The following DPYSL2 variants were observed in gnomAD, a reference collection of about 807,000 sequenced individuals.
DPYSL2 encodes the protein dihydropyrimidinase-related protein 2.
Under a neutral mutation model 69.9 loss-of-function variants are expected in DPYSL2, and 13 were observed. The observed-to-expected ratio is 0.19, with a 90% CI of 0.12 to 0.30. The LOEUF (loss-of-function observed/expected upper bound fraction) is 0.30. Ranked by LOEUF, DPYSL2 falls within the 10% of genes least tolerant of loss-of-function variation. The probability of loss-of-function intolerance (pLI) is 1.00; values close to 1 mark genes in which losing one functional copy is unlikely to be tolerated. For missense variants in DPYSL2, 587 were observed against 918.9 expected, an observed-to-expected ratio of 0.64 and a Z score of 4.67; for synonymous variants, 326 against 359.1, an observed-to-expected ratio of 0.91 and a Z score of 1.04.
chr8:26,554,281 T>C (rs1157696807), intron 1 of DPYSL2, among the ~76,000 whole-genome samples: 1 of 152,184 alleles, frequency 6.6e-6, no homozygotes, highest in Non-Finnish European at 1.5e-5. Flanking sequence ...TCAGAGATAC[T>C]GAGCTTTTTT....
intron 1 of DPYSL2, among the ~76,000 whole-genome samples, chr8:26,561,638 C>T (rs1459436922): frequency 6.6e-6 from 1 of 152,010 alleles, no homozygotes; most frequent in African/African-American, 2.4e-5. Flanking sequence ...GCACCATGGA[C>T]CAGTTTCATA....
In DPYSL2 at chr8:26,582,931, T is replaced by C. The variant is rs1360342255; in HGVS notation, c.444-868T>C. On this transcript the variant is annotated intron_variant, in intron 2 of 13. Transcript: ENST00000521913. This position sits in a 1 kb window ranked among gnomAD's most constrained non-coding sequence, Gnocchi z 4.1. ...AAATAGATTTTAACATTTCCACGTTTAATGTTTTCTCCATGTGTGTTTGCT... is the reference window on the plus strand; with the variant it reads ...AAATAGATTTTAACATTTCCACGTTCAATGTTTTCTCCATGTGTGTTTGCT... 3.3e-5 allele frequency among the ~76,000 whole-genome samples: 5 copies of C among 152,228 alleles called. No homozygotes were observed. Among genetic ancestry groups the C allele is most frequent in the Non-Finnish European group, 5.9e-5 (4 of 68,040 alleles).
rs1019450541 is a variant in DPYSL2, at chr8:26,598,445, C to A, written c.628+14462C>A. ...TTTTAGAGAGTTCTTTTCCCTCCTG[C>A]TCTATGAAAACGTATTTTCCATGTT... On this transcript the variant is annotated intron_variant, in intron 3 of 13. Coordinates refer to ENST00000521913, the MANE Select transcript of DPYSL2 (RefSeq NM_001197293.3). The surrounding 1 kb of genome is among the most constrained non-coding windows in gnomAD (Gnocchi z 4.2). Among the ~76,000 whole-genome samples, 2 of 152,138 alleles carry A rather than the reference C, an allele frequency of 1.3e-5. No individual in the cohort carries two copies. Among genetic ancestry groups the A allele is most frequent in the African/African-American group, 2.4e-5 (1 of 41,410 alleles).
chr8:26,581,861 T>C, intron 1 of DPYSL2, 108 bp from the exon 2 acceptor site: 2 of 882,526 alleles, frequency 2.3e-6, no homozygotes, highest in Non-Finnish European at 3.6e-6. Flanking sequence ...TGGGCTTATT[T>C]TGAACATCAC....
At position 26,516,822 on chromosome 8, in the gene DPYSL2, T is replaced by G. The variant is rs556109239; in HGVS notation, c.354+2143T>G. 4.1e-3 allele frequency among the ~76,000 whole-genome samples: 617 copies of G among 152,332 alleles called. 2 individuals are homozygous for G. The highest frequency in any genetic ancestry group is 0.013 in the African/African-American group (561 of 41,576). ...ATAAGGCCTACTCAATGAGATTTTG[T>G]CATTCACGACTAAGAGCATTTACCT... is the stretch of plus-strand genomic sequence containing the variant. On this transcript the variant is annotated intron_variant, in intron 1 of 13. Transcript: ENST00000521913. This position sits in a 1 kb window ranked among gnomAD's most constrained non-coding sequence, Gnocchi z 4.8.
intron 1 of DPYSL2, among the ~76,000 whole-genome samples, chr8:26,569,683 A>G (rs1801208645): frequency 6.6e-6 from 1 of 152,234 alleles, no homozygotes; most frequent in Admixed American, 6.5e-5. Flanking sequence ...AATTGTTGCT[A>G]TTAAAGAGAT....
chr8:26,553,459 A>G (rs1412208338), intron 1 of DPYSL2, among the ~76,000 whole-genome samples: 18 of 152,102 alleles, frequency 1.2e-4, no homozygotes, highest in Admixed American at 6.5e-4. Flanking sequence ...GCTCCCACTT[A>G]TAAGTGGGAA....
intron 1 of DPYSL2, among the ~76,000 whole-genome samples, chr8:26,542,415 A>T (rs10094055): frequency 0.52 from 78,936 of 151,274 alleles, 21,396 homozygotes; most frequent in African/African-American, 0.67. Flanking sequence ...AAAAATTCCC[A>T]TATTAAAAAA....
rs903521332 is a variant in DPYSL2 at position 26,588,613 on chromosome 8, G to A, written c.628+4630G>A. On this transcript the variant is annotated intron_variant, in intron 3 of 13. Coordinates refer to ENST00000521913, the MANE Select transcript of DPYSL2 (RefSeq NM_001197293.3). This position sits in a 1 kb window ranked among gnomAD's most constrained non-coding sequence, Gnocchi z 5.4. ...GGGTAGCACCGCACAGCAGAGATGGGGACTGGACTCTAGCAGGGAGGAGGA... is the reference window on the plus strand; with the variant it reads ...GGGTAGCACCGCACAGCAGAGATGGAGACTGGACTCTAGCAGGGAGGAGGA... Among the ~76,000 whole-genome samples, 2 of 152,110 alleles carry A rather than the reference G, an allele frequency of 1.3e-5. No individual in the cohort carries two copies. The highest frequency in any genetic ancestry group is 2.9e-5 in the Non-Finnish European group (2 of 68,014).
intron 3 of DPYSL2, among the ~76,000 whole-genome samples, chr8:26,611,024 T>C (rs1802214510): frequency 6.6e-6 from 1 of 152,184 alleles, no homozygotes; most frequent in African/African-American, 2.4e-5. Flanking sequence ...TTTTAATCCC[T>C]ATACAGTGAA....
intron 1 of DPYSL2, among the ~76,000 whole-genome samples, chr8:26,566,641 G>A (rs1230498864): frequency 6.6e-6 from 1 of 152,064 alleles, no homozygotes; most frequent in Non-Finnish European, 1.5e-5. Context: ...AAAGAGAATG[G>A]AAAAGAAGAC....
Position 26,556,139 on chromosome 8 carries a change from ATATAG to A in DPYSL2, c.355-25825_355-25821del, listed in dbSNP as rs1487011528. On this transcript the variant is annotated intron_variant, in intron 1 of 13. Transcript: ENST00000521913. ...ATACTATATATATTATATATACTAT[ATATAG>A]TATATACTATATATAGTATATACTA... 1.2e-3 allele frequency among the ~76,000 whole-genome samples: 4 copies of A among 3,300 alleles called. No individual in the cohort carries two copies. The East Asian group carries it at 0.25, about 206-fold the overall frequency. The allele number at this position is 3,300 out of a possible 152,430, so 2.2% of individuals were successfully genotyped here. A position where few individuals can be genotyped will look rare whatever the true frequency, so the allele number is the denominator to read the frequency against.
chr8:26,575,491 A>T (rs1397065289), intron 1 of DPYSL2, among the ~76,000 whole-genome samples: 1 of 152,010 alleles, frequency 6.6e-6, no homozygotes, highest in Admixed American at 6.5e-5. Flanking sequence ...GTCAATTTAA[A>T]CCATTTGTTT....
Position 26,655,613 on chromosome 8 carries a change from A to G in DPYSL2, c.1943-2A>G, listed in dbSNP as rs760939453. 1 of 1,605,246 alleles carries G rather than the reference A, an allele frequency of 6.2e-7. No individual in the cohort carries two copies. Among genetic ancestry groups the G allele is most frequent in the Non-Finnish European group, 8.5e-7 (1 of 1,174,526 alleles). ...CGCTCCTCTCTTCTCCTCTCCCTCC[A>G]GGTGCTCAGATTGATGACAACATTC... On this transcript the variant is annotated splice_acceptor_variant, in intron 13 of 13. Transcript: ENST00000521913. LOFTEE classifies it high-confidence loss of function.
Position 26,514,061 on chromosome 8 carries a change from C to T in DPYSL2, c.-265C>T. On this transcript the variant is annotated 5_prime_UTR_variant, in exon 1 of 14. Coordinates refer to ENST00000521913, the MANE Select transcript of DPYSL2 (RefSeq NM_001197293.3). The surrounding 1 kb of genome is among the most constrained non-coding windows in gnomAD (Gnocchi z 8.4). Reference sequence around the variant, plus strand: ...GGCTCCCGCAGCCGCAGCGGACGCCCTCCCAGATCCAACTTTGCCGCTTCC... The same window carrying T: ...GGCTCCCGCAGCCGCAGCGGACGCCTTCCCAGATCCAACTTTGCCGCTTCC... 3.1e-6 allele frequency: 1 copy of T among 327,322 alleles called. No individual in the cohort carries two copies. The highest frequency in any genetic ancestry group is 2.1e-5 in the African/African-American group (1 of 46,788). 20.3% of individuals were successfully genotyped at this position (327,322 alleles called of 1,614,324 possible).
At chr8:26,578,469 G>A in intron 1 of DPYSL2, 4 of 1,461,234 alleles carry the variant, frequency 2.7e-6, no homozygotes, top group African/African-American at 1.4e-5. Flanking sequence ...CAGTGATCCA[G>A]GATTAGAAGT....
intron 3 of DPYSL2, among the ~76,000 whole-genome samples, chr8:26,596,790 A>G (rs1477652841): frequency 4.6e-5 from 7 of 152,238 alleles, no homozygotes; most frequent in African/African-American, 1.7e-4. Flanking sequence ...CTCTGGGCCA[A>G]TGGCCCTTGC....
chr8:26,527,877 A>G (rs1225878578), intron 1 of DPYSL2, among the ~76,000 whole-genome samples: 1 of 142,032 alleles, frequency 7.0e-6, no homozygotes, highest in Non-Finnish European at 1.5e-5. Context: ...ATCTGGACTC[A>G]CTGCAACCTC....
rs572473108 is a variant in DPYSL2, at chr8:26,522,793, G to A, written c.354+8114G>A. Among the ~76,000 whole-genome samples the A allele has an allele frequency of 1.4e-4, 22 of 152,038 alleles. No individual in the cohort carries two copies. The South Asian group carries it at 3.9e-3, about 27-fold the overall frequency. ...TTGCAGATATTTTCTCCCATTCTGT[G>A]GATTATCTTTTTACTTTTTTGATGG... On this transcript the variant is annotated intron_variant, in intron 1 of 13. Coordinates refer to ENST00000521913, the MANE Select transcript of DPYSL2 (RefSeq NM_001197293.3).
Sources: allele counts gnomAD v4.1 joint callset (sites outside exome capture counted in the v4.1 genomes callset), GRCh38; gene constraint gnomAD v4.1.1; non-coding constraint Gnocchi (gnomAD v3.1); transcripts MANE v1.5; gene names NCBI Gene and HGNC (gene_info 2026-07-23, HGNC 2026-07-21).